COL27A1: variants seen among roughly 807,000 people sequenced by gnomAD.
COL27A1 encodes collagen type XXVII alpha 1 chain.
Under a neutral mutation model 251.3 loss-of-function variants are expected in COL27A1, and 106 were observed. The observed-to-expected ratio is 0.42, with a 90% CI of 0.36 to 0.50. The LOEUF (loss-of-function observed/expected upper bound fraction) is 0.50. COL27A1 is among the 20% of genes least tolerant of loss of function. COL27A1 has a pLI of 0.00. For synonymous variants in COL27A1, 1,000 were observed against 986.3 expected (o/e 1.01, Z -0.26); for missense variants, 2,325 against 2,522.8 (o/e 0.92, Z 1.68).
intron 14 of COL27A1, among the ~76,000 whole-genome samples, chr9:114,228,090 G>A (rs1831632640): frequency 6.6e-6 from 1 of 152,114 alleles, no homozygotes; most frequent in Non-Finnish European, 1.5e-5. Flanking sequence ...GATGCCCATG[G>A]CAGGTCCCTG....
At position 114,252,585 on chromosome 9, in the gene COL27A1, C is replaced by T; in HGVS notation, c.3034-8C>T. ...CGTGACCTGCCTGCATTGCTGTCTCCATCACAGGGTGATCGTGGCATGATG... is the reference window on the plus strand; with the variant it reads ...CGTGACCTGCCTGCATTGCTGTCTCTATCACAGGGTGATCGTGGCATGATG... On this transcript the variant is annotated splice_polypyrimidine_tract_variant and splice_region_variant and intron_variant, in intron 25 of 60. Transcript: ENST00000356083. 1 of 1,613,830 alleles carries T rather than the reference C, an allele frequency of 6.2e-7. No homozygotes were observed. Among genetic ancestry groups the T allele is most frequent in the South Asian group, 1.1e-5 (1 of 91,084 alleles).
intron 1 of COL27A1, 125 bp downstream of exon 1, chr9:114,156,137 C>A: frequency 7.9e-7 from 1 of 1,258,176 alleles, no homozygotes; most frequent in Non-Finnish European, 1.0e-6. Flanking sequence ...TTCCTGCGCC[C>A]CCGCGAGGCG....
intron 28 of COL27A1, among the ~76,000 whole-genome samples, chr9:114,261,617 A>G (rs187909736): frequency 2.4e-4 from 36 of 152,298 alleles, no homozygotes; most frequent in African/African-American, 8.2e-4. Context: ...GTTCTCTCAG[A>G]TAAGAGGGAT....
At chr9:114,302,850 A>G (rs1828756742) in intron 56 of COL27A1, among the ~76,000 whole-genome samples, 2 of 151,996 alleles carry the variant, frequency 1.3e-5, no homozygotes, top group South Asian at 4.2e-4. Context: ...TGACGAGTCC[A>G]TCCACATTGT....
chr9:114,218,936 G>C (rs1406114387), intron 12 of COL27A1, among the ~76,000 whole-genome samples: 1 of 134,644 alleles, frequency 7.4e-6, no homozygotes. Context: ...ACTTGGTCAG[G>C]AAAACATGTG....
chr9:114,256,472 G>A (rs1040525551), intron 27 of COL27A1, among the ~76,000 whole-genome samples: 9 of 152,180 alleles, frequency 5.9e-5, no homozygotes, highest in Non-Finnish European at 1.2e-4. Flanking sequence ...CAGCCTGGGC[G>A]ACAGAGCAAG....
chr9:114,283,371 C>T (rs1422150445), intron 39 of COL27A1, among the ~76,000 whole-genome samples: 1 of 152,148 alleles, frequency 6.6e-6, no homozygotes, highest in Non-Finnish European at 1.5e-5. Flanking sequence ...TGAGTATCCT[C>T]TATCTTTGTT....
intron 11 of COL27A1, 126 bp from the exon 12 acceptor site, chr9:114,210,856 G>A (rs999199583): frequency 5.6e-6 from 5 of 894,942 alleles, no homozygotes; most frequent in Admixed American, 1.9e-5. Flanking sequence ...GGGCCGCCAC[G>A]CAAGTGGCAC....
chr9:114,232,958 C>G (rs955105648), intron 16 of COL27A1, among the ~76,000 whole-genome samples: 4 of 152,218 alleles, frequency 2.6e-5, no homozygotes, highest in African/African-American at 9.6e-5. Context: ...GTAATCCCAG[C>G]TACTTGGGAG....
At chr9:114,184,225 C>T (rs780002002) in intron 5 of COL27A1, among the ~76,000 whole-genome samples, 2 of 152,150 alleles carry the variant, frequency 1.3e-5, no homozygotes, top group South Asian at 4.1e-4. Flanking sequence ...GGCCAGGTCC[C>T]GGGTCATTCT....
At chr9:114,177,364 A>AAATTT (rs1451812627) in intron 3 of COL27A1, among the ~76,000 whole-genome samples, 2 of 152,120 alleles carry the variant, frequency 1.3e-5, no homozygotes, top group African/African-American at 4.8e-5. Flanking sequence ...GGAAATGGGG[A>AAATTT]GCCCTTAAAT....
chr9:114,186,853 C>T (rs1828379322), intron 5 of COL27A1, among the ~76,000 whole-genome samples: 1 of 152,158 alleles, frequency 6.6e-6, no homozygotes, highest in Non-Finnish European at 1.5e-5. Flanking sequence ...GATGCTGGAC[C>T]ATGGTGGAGT....
chr9:114,248,793 A>G (rs750111021), intron 24 of COL27A1, among the ~76,000 whole-genome samples: 5 of 152,206 alleles, frequency 3.3e-5, no homozygotes, highest in Non-Finnish European at 5.9e-5. Context: ...CCAGGACCCA[A>G]CATCTCATAA....
upstream of COL27A1, among the ~76,000 whole-genome samples, chr9:114,154,371 GT>G (rs2134967130): frequency 6.6e-6 from 1 of 152,366 alleles, no homozygotes; most frequent in Admixed American, 6.5e-5. This position sits in a 1 kb window ranked among gnomAD's most constrained non-coding sequence, Gnocchi z 5.8. Flanking sequence ...TAGGGACCCA[GT>G]AAGTGCTTGG....
At position 114,250,596 on chromosome 9, in the gene COL27A1, TC is replaced by T. The variant is rs754722409; in HGVS notation, c.2980-18del. On this transcript the variant is annotated intron_variant, in intron 24 of 60. Coordinates refer to ENST00000356083, the MANE Select transcript of COL27A1 (RefSeq NM_032888.4). ...CGGATTCACGTTGTTTCTCTTGCTT[TC>T]GGGAATGTGTCTCATAGGGATTTAT... 1.2e-6 allele frequency: 2 copies of T among 1,610,286 alleles called. No homozygotes were observed. Among genetic ancestry groups the T allele is most frequent in the Admixed American group, 3.3e-5 (2 of 59,936 alleles).
At chr9:114,192,607 G>C (rs978925304) in intron 5 of COL27A1, among the ~76,000 whole-genome samples, 55 of 152,118 alleles carry the variant, frequency 3.6e-4, no homozygotes, top group African/African-American at 1.3e-3. Flanking sequence ...GTCAGACCTA[G>C]CCTGGGGACA....
Position 114,290,090 on chromosome 9 carries a change from C to T in COL27A1, c.4239C>T (p.Ala1413=). The part of the protein sequence containing the change: ...GPKGKQGKAG[A]PGRRGVQGLQ... ...AGGGAAAGCAAGGCAAGGCAGGGGC[C>T]CCAGGCCGGAGGGGGGTCCAGGTGA... Residue 1413 remains alanine (A), a synonymous_variant, in exon 46 of 61, where the codon GCC becomes GCT. Coordinates refer to ENST00000356083, the MANE Select transcript of COL27A1 (RefSeq NM_032888.4). This position sits in a 1 kb window ranked among gnomAD's most constrained non-coding sequence, Gnocchi z 4.6. The T allele has an allele frequency of 6.2e-7, 1 of 1,611,826 alleles. No homozygotes were observed. Among genetic ancestry groups the T allele is most frequent in the South Asian group, 1.1e-5 (1 of 91,032 alleles).
At chr9:114,160,564 A>C (rs1400125189) in intron 1 of COL27A1, among the ~76,000 whole-genome samples, 1 of 151,564 alleles carries the variant, frequency 6.6e-6, no homozygotes, top group African/African-American at 2.4e-5. Flanking sequence ...TAAGCCCGGC[A>C]TGGTGGCACA....
intron 4 of COL27A1, among the ~76,000 whole-genome samples, chr9:114,178,821 G>A (rs189699604): frequency 2.0e-5 from 3 of 152,208 alleles, no homozygotes; most frequent in Non-Finnish European, 2.9e-5. Flanking sequence ...GGCAGGCTGC[G>A]GTGGCTGACT....
Sources: allele counts gnomAD v4.1 joint callset (sites outside exome capture counted in the v4.1 genomes callset), GRCh38; gene constraint gnomAD v4.1.1; non-coding constraint Gnocchi (gnomAD v3.1); transcripts MANE v1.5; gene names NCBI Gene and HGNC (gene_info 2026-07-23, HGNC 2026-07-21).